The following PKD1 variants were observed in gnomAD, a reference collection of about 807,000 sequenced individuals.
PKD1 encodes polycystin 1, transient receptor potential channel interacting.
Under a neutral mutation model 361.7 loss-of-function variants are expected in PKD1, and 81 were observed. The ratio of observed to expected loss-of-function variants is 0.22; its 90% CI spans 0.19 to 0.27. The LOEUF (loss-of-function observed/expected upper bound fraction) is 0.27, where lower values mean the gene tolerates loss of function less well. Among genes scored for constraint, PKD1 ranks in the 10% least tolerant of loss-of-function variants. The probability of loss-of-function intolerance (pLI) is 1.00; values close to 1 mark genes in which losing one functional copy is unlikely to be tolerated. For missense variants in PKD1, 6,399 were observed against 6,118.3 expected (o/e 1.05, Z -1.53); for synonymous variants, 3,615 against 2,818.3 (o/e 1.28, Z -8.95).
chr16:2,092,826 G>A, intron 38 of PKD1, 128 bp downstream of exon 38: 1 of 1,180,424 alleles, frequency 8.5e-7, no homozygotes, highest in Non-Finnish European at 1.3e-6. Context: ...ACTGATGCCA[G>A]CAGCACCTAC....
At chr16:2,097,125 T>TC in intron 34 of PKD1, 23 bp downstream of exon 34, 1 of 1,198,348 alleles carries the variant, frequency 8.3e-7, no homozygotes, top group Non-Finnish European at 1.1e-6. Context: ...CAATCCCCCC[T>TC]CCCCCGAGAG....
chr16:2,092,782 G>A (rs2091656557), intron 38 of PKD1, 172 bp downstream of exon 38: 2 of 878,582 alleles, frequency 2.3e-6, no homozygotes, highest in East Asian at 2.5e-5. Context: ...CCTGTGCACT[G>A]CAAGACACGG....
rs756893967 is a variant in PKD1 at position 2,090,426 on chromosome 16, C to A, written c.12303G>T (p.Leu4101=). 1.9e-5 allele frequency: 31 copies of A among 1,612,612 alleles called. 1 individual carries two copies. The South Asian group carries it at 3.1e-4, about 16-fold the overall frequency. Residue 4101 remains leucine (L), a synonymous_variant, in exon 45 of 46, where the codon CTG becomes CTT. Transcript: ENST00000262304. ...AGCGCCAGCGGAGAATAACAGCCCC[C>A]AGCCGTAGGGCGCCCCACAGCCGCA... ...WALRLWGALR[L]GAVILRWRYH...
intron 34 of PKD1, 189 bp downstream of exon 34, chr16:2,096,959 T>A (rs2091873135): frequency 1.6e-6 from 1 of 613,780 alleles, no homozygotes; most frequent in Non-Finnish European, 2.9e-6. Flanking sequence ...GAGGGAAGGT[T>A]CTGGGGCCCT....
Position 2,100,508 on chromosome 16 carries a change from C to T in PKD1, c.9456G>A (p.Arg3152=), listed in dbSNP as rs146745256. 406 of 1,610,610 alleles carry T rather than the reference C, an allele frequency of 2.5e-4. 4 individuals carry two copies. The African/African-American group carries it at 4.9e-3, about 19-fold the overall frequency. Residue 3152 remains arginine (R), a synonymous_variant, in exon 27 of 46, where the codon CGG becomes CGA. Coordinates refer to ENST00000262304, the MANE Select transcript of PKD1 (RefSeq NM_001009944.3). This position sits in a 1 kb window ranked among gnomAD's most constrained non-coding sequence, Gnocchi z 4.4. The part of the protein sequence containing the change: ...LYGVDSRSGH[R]HLDGDRAFHR... Reference sequence around the variant, plus strand: ...GGAAGGCTCTGTCGCCGTCCAGGTGCCGGTGGCCGCTCCGGCTGTCCACCC... The same window carrying T: ...GGAAGGCTCTGTCGCCGTCCAGGTGTCGGTGGCCGCTCCGGCTGTCCACCC...
In PKD1 at chr16:2,110,194, T is replaced by C; in HGVS notation, c.4973A>G (p.Asp1658Gly). ...HTVQLQAVVR[D>G]GTNVSYSWTA... The stretch of plus-strand genomic sequence containing the variant: ...CCAGCTGTAGGAGACGTTGGTGCCA[T>C]CCCTAACCACGGCCTGCAGCTGTAC... The change falls in exon 15 of 46, where the codon GAT becomes GGT. Residue 1658 changes from aspartate (D) to glycine (G), a missense_variant. Coordinates refer to ENST00000262304, the MANE Select transcript of PKD1 (RefSeq NM_001009944.3). The C allele has an allele frequency of 6.2e-7, 1 of 1,611,448 alleles. No individual in the cohort carries two copies. The highest frequency in any genetic ancestry group is 8.5e-7 in the Non-Finnish European group (1 of 1,179,802).
At chr16:2,101,807 G>A in intron 26 of PKD1, 1 of 597,670 alleles carries the variant, frequency 1.7e-6, no homozygotes, top group East Asian at 2.8e-5. Flanking sequence ...GTCACTTGTG[G>A]GGCCACGCTA....
intron 1 of PKD1, among the ~76,000 whole-genome samples, chr16:2,126,009 G>T (rs1192261090): frequency 7.2e-5 from 11 of 152,196 alleles, no homozygotes; most frequent in African/African-American, 2.4e-4. Context: ...GATGGTGGGG[G>T]GGGGGGCAAG....
At chr16:2,132,549 T>C (rs894334467) in intron 1 of PKD1, among the ~76,000 whole-genome samples, 1 of 121,290 alleles carries the variant, frequency 8.2e-6, no homozygotes, top group African/African-American at 3.3e-5. Context: ...CACTGCGGCC[T>C]GGAGACAAGA....
At position 2,106,929 on chromosome 16, in the gene PKD1, C is replaced by G; in HGVS notation, c.7085G>C (p.Arg2362Pro). Residue 2362 changes from arginine (R) to proline (P), a missense_variant, in exon 17 of 46, where the codon CGG becomes CCG. By Grantham distance (103) the Arg-to-Pro change is moderately radical (BLOSUM62 -2). Transcript: ENST00000262304. The surrounding 1 kb of genome is among the most constrained non-coding windows in gnomAD (Gnocchi z 6.5). Reference sequence around the variant, plus strand: ...ACACTCCAAGGACACAATGGGCACCCGGCCACTCCGGATCAGCACCTGGCG... The same window carrying G: ...ACACTCCAAGGACACAATGGGCACCGGGCCACTCCGGATCAGCACCTGGCG... ...TNQTVLIRSG[R>P]VPIVSLECVS... is the part of the protein sequence containing the mutation. The G allele has an allele frequency of 6.3e-7, 1 of 1,580,788 alleles. No homozygotes were observed. Among genetic ancestry groups the G allele is most frequent in the Non-Finnish European group, 8.6e-7 (1 of 1,167,622 alleles).
chr16:2,105,454 C>T lies in PKD1; in HGVS notation c.7884G>A (p.Val2628=). 1 of 1,594,338 alleles carries T rather than the reference C, an allele frequency of 6.3e-7. No homozygotes were observed. Among genetic ancestry groups the T allele is most frequent in the Non-Finnish European group, 8.5e-7 (1 of 1,178,540 alleles). ...GCCGCTCGTGCTTGGGCTCTGCCGCCACGTCCAGGGCCCGCTCGTACTGGG... is the reference window on the plus strand; with the variant it reads ...GCCGCTCGTGCTTGGGCTCTGCCGCTACGTCCAGGGCCCGCTCGTACTGGG... ...VLNEYERALD[V]AAEPKHERQH... The change falls in exon 21 of 46, where the codon GTG becomes GTA. Residue 2628 remains valine, a synonymous_variant. Transcript: ENST00000262304.
At position 2,112,838 on chromosome 16, in the gene PKD1, T is replaced by C. The variant is rs2099534; in HGVS notation, c.3111A>G (p.Leu1037=). The part of the protein sequence containing the change: ...VPAVLSPNAT[L]ALTAGVLVDS... ...CCACCAGCACGCCCGCCGTCAGTGC[T>C]AGCGTGGCATTGGGGGACAGCACGG... The change falls in exon 13 of 46, where the codon CTA becomes CTG. Residue 1037 remains leucine (L), a synonymous_variant. Coordinates refer to ENST00000262304, the MANE Select transcript of PKD1 (RefSeq NM_001009944.3). 81,252 of 1,599,938 alleles carry C rather than the reference T, an allele frequency of 0.051. 2,591 individuals are homozygous for C. Among genetic ancestry groups the C allele is most frequent in the Non-Finnish European group, 0.061 (71,280 of 1,175,906 alleles).
chr16:2,111,540 A>G lies in PKD1; in HGVS notation c.3627T>C (p.Phe1209=). ...CCACGCTGAGTCCGCGGAGCTCCTC[A>G]AAGACGCGCACATCCGCCTGGGCCG... ...GAAAQADVRV[F]EELRGLSVDM... is the part of the protein sequence containing the mutation. The change falls in exon 15 of 46, where the codon TTT becomes TTC. Residue 1209 remains phenylalanine (F), a synonymous_variant. Transcript: ENST00000262304. The G allele has an allele frequency of 1.2e-6, 2 of 1,600,794 alleles. No homozygotes were observed. Among genetic ancestry groups the G allele is most frequent in the Non-Finnish European group, 1.7e-6 (2 of 1,174,722 alleles).
intron 11 of PKD1, chr16:2,113,822 T>C (rs1403131773): frequency 2.4e-6 from 1 of 420,914 alleles, no homozygotes; most frequent in Admixed American, 3.8e-5. Context: ...CCATCAGGGG[T>C]TCAGACTCCA....
rs539408205 is a variant in PKD1, at chr16:2,112,762, C to T, written c.3161+26G>A. The T allele has an allele frequency of 2.4e-5, 38 of 1,592,666 alleles. No homozygotes were observed. The East Asian group carries it at 3.6e-4, about 15-fold the overall frequency. On this transcript the variant is annotated intron_variant, in intron 13 of 45. Coordinates refer to ENST00000262304, the MANE Select transcript of PKD1 (RefSeq NM_001009944.3). ...GCTGGGACAAGAGCCTGGTGCCCAC[C>T]CCAAACCGGCCCCCGAGTCACTCAC...
chr16:2,090,983 G>A lies in PKD1; in HGVS notation c.11904C>T (p.Arg3968=), dbSNP rs1458447193. 4.6e-6 allele frequency: 7 copies of A among 1,537,150 alleles called. No individual in the cohort carries two copies. The highest frequency in any genetic ancestry group is 1.4e-5 in the African/African-American group (1 of 73,134). Residue 3968 remains arginine (R), a synonymous_variant, in exon 43 of 46, where the codon CGC becomes CGT. Coordinates refer to ENST00000262304, the MANE Select transcript of PKD1 (RefSeq NM_001009944.3). The stretch of plus-strand genomic sequence containing the variant: ...AGCTAGTGAAGCGGCGCGGGCGGCC[G>A]CGCACGAAACGGGTCCACTGGCGGT... ...AADRQWTRFV[R]GRPRRFTSFD... is the part of the protein sequence containing the mutation.
Position 2,106,269 on chromosome 16 carries a change from C to A in PKD1, c.7525G>T (p.Val2509Leu). The change falls in exon 19 of 46, where the codon GTG (valine) becomes TTG (leucine). Residue 2509 changes from valine (V) to leucine (L), a missense_variant. Transcript: ENST00000262304. This position sits in a 1 kb window ranked among gnomAD's most constrained non-coding sequence, Gnocchi z 6.5. ...HDAEDAGAPL[V>L]YALLLRRCRQ... ...CAGCGCCGCAGCAGCAGGGCGTACA[C>A]CAGCGGGGCGCCAGCATCCTCCGCG... The A allele has an allele frequency of 1.2e-6, 2 of 1,610,184 alleles. No homozygotes were observed. The highest frequency in any genetic ancestry group is 1.7e-6 in the Non-Finnish European group (2 of 1,179,544).
chr16:2,130,291 G>A (rs1329966369), intron 1 of PKD1, among the ~76,000 whole-genome samples: 3 of 152,120 alleles, frequency 2.0e-5, no homozygotes, highest in African/African-American at 7.2e-5. Context: ...AGAAGACACA[G>A]GCCTCTCCTA....
chr16:2,097,331 A>C lies in PKD1; in HGVS notation c.10393T>G (p.Phe3465Val), dbSNP rs1225760645. The change falls in exon 33 of 46, where the codon TTC becomes GTC. Residue 3465 changes from phenylalanine to valine, a missense_variant. Physicochemically the swap from Phe to Val is conservative, Grantham distance 50 (BLOSUM62 -1). Transcript: ENST00000262304. ...LASPYSPAKS[F>V]SASDEDLIQQ... ...CACCCCAGCTCACCTGATGCTGAGA[A>C]GGATTTGGCAGGCGAGTAGGGGCTG... The C allele has an allele frequency of 6.2e-7, 1 of 1,612,848 alleles. No homozygotes were observed. Among genetic ancestry groups the C allele is most frequent in the South Asian group, 1.1e-5 (1 of 91,068 alleles).
Sources: gnomAD v4.1 joint callset for allele counts (sites outside exome capture counted in the v4.1 genomes callset) on GRCh38, gnomAD v4.1.1 for gene constraint, Gnocchi (gnomAD v3.1) non-coding constraint, MANE v1.5 for transcripts, NCBI Gene and HGNC (gene_info 2026-07-23, HGNC 2026-07-21) for gene names.